PTBP3: variants seen among roughly 807,000 people sequenced by gnomAD.
PTBP3 encodes polypyrimidine tract binding protein 3.
A neutral mutation model predicts 58.7 loss-of-function variants in PTBP3; 20 were observed. The ratio of observed to expected loss-of-function variants is 0.34; its 90% CI spans 0.24 to 0.50. The LOEUF (loss-of-function observed/expected upper bound fraction) is 0.50, where lower values mean the gene tolerates loss of function less well. Ranked by LOEUF, PTBP3 falls within the 20% of genes least tolerant of loss-of-function variation. PTBP3 has a pLI of 0.98. For synonymous variants in PTBP3, 185 were observed against 219.8 expected, an observed-to-expected ratio of 0.84 and a Z score of 1.40; for missense variants, 509 against 637.2, an observed-to-expected ratio of 0.80 and a Z score of 2.17.
chr9:112,374,482 C>T, the PTBP3 span, among the ~76,000 whole-genome samples: 4 of 152,186 alleles, frequency 2.6e-5, no homozygotes, highest in South Asian at 8.3e-4. Flanking sequence ...ATATATTGAA[C>T]ACTGATTCAG....
chr9:112,297,360 AC>A (rs1828734898), intron 2 of PTBP3, among the ~76,000 whole-genome samples: 1 of 152,082 alleles, frequency 6.6e-6, no homozygotes, highest in African/African-American at 2.4e-5. Context: ...TCCCGCCATC[AC>A]ACCCAGCTAA....
chr9:112,273,056 A>T (rs1564423894), intron 3 of PTBP3, among the ~76,000 whole-genome samples: 1 of 152,240 alleles, frequency 6.6e-6, no homozygotes, highest in South Asian at 2.1e-4. Flanking sequence ...AACATGATGT[A>T]TAACTGTACC....
At chr9:112,236,863 T>C (rs1835458516) in intron 7 of PTBP3, among the ~76,000 whole-genome samples, 1 of 152,108 alleles carries the variant, frequency 6.6e-6, no homozygotes, top group Admixed American at 6.6e-5. Flanking sequence ...AGTGGATCTT[T>C]AGCGTGGGCC....
the PTBP3 span, among the ~76,000 whole-genome samples, chr9:112,374,100 C>T: frequency 0.01 from 1,597 of 152,264 alleles, 67 homozygotes; most frequent in East Asian, 0.082. Flanking sequence ...GGTATGGTAA[C>T]ACTGAGATGC....
At chr9:112,379,842 C>CAATG in the PTBP3 span, 1 of 510,486 alleles carries the variant, frequency 2.0e-6, no homozygotes, top group Non-Finnish European at 3.4e-6. Flanking sequence ...TGCCCAGACG[C>CAATG]TAGGCGCCGA....
At chr9:112,335,443 G>A (rs1184436515), upstream of PTBP3, among the ~76,000 whole-genome samples, 14 of 151,344 alleles carry the variant, frequency 9.3e-5, no homozygotes, top group African/African-American at 3.2e-4. Context: ...CCGCCACCAC[G>A]CCTGGCTAGT....
At chr9:112,298,038 C>A (rs1435013775) in intron 1 of PTBP3, 122 bp from the exon 2 acceptor site, 2 of 736,458 alleles carry the variant, frequency 2.7e-6, no homozygotes, top group African/African-American at 1.8e-5. Flanking sequence ...AAAGGGGGAA[C>A]TCCTCAAGAA....
chr9:112,321,510 C>G (rs1468278086), intron 1 of PTBP3, among the ~76,000 whole-genome samples: 1 of 134,928 alleles, frequency 7.4e-6, no homozygotes, highest in Non-Finnish European at 1.5e-5. Context: ...GCCTGGGCAA[C>G]AGAGTGAGAC....
the PTBP3 span, among the ~76,000 whole-genome samples, chr9:112,376,863 C>T: frequency 6.6e-6 from 1 of 152,152 alleles, no homozygotes; most frequent in Non-Finnish European, 1.5e-5. Flanking sequence ...CACAGATACA[C>T]CCAAGACCAA....
chr9:112,341,740 G>A, the PTBP3 span, among the ~76,000 whole-genome samples: 1 of 152,140 alleles, frequency 6.6e-6, no homozygotes, highest in Admixed American at 6.5e-5. Flanking sequence ...AAGTGACTGT[G>A]AAGTGACTCC....
chr9:112,270,225 A>C (rs1236924773), intron 3 of PTBP3, among the ~76,000 whole-genome samples: 3 of 152,220 alleles, frequency 2.0e-5, no homozygotes, highest in African/African-American at 7.2e-5. Context: ...TACAGGCGTC[A>C]CCAAATCCTT....
At chr9:112,267,986 A>C in intron 4 of PTBP3, 63 bp downstream of exon 4, 1 of 1,409,914 alleles carries the variant, frequency 7.1e-7, no homozygotes, top group Non-Finnish European at 9.5e-7. Context: ...TCATCTGTAA[A>C]GTATGTAAGT....
the PTBP3 span, among the ~76,000 whole-genome samples, chr9:112,348,425 T>C: frequency 3.3e-5 from 5 of 152,292 alleles, no homozygotes; most frequent in African/African-American, 1.2e-4. Flanking sequence ...GCTTAACTGG[T>C]ATATGATGAC....
rs531308826 is a variant in PTBP3, at chr9:112,292,704, A to G, written c.34+5128T>C. Reference sequence around the variant, plus strand: ...AGAAAAATGTTGCATGATTCCACTTATATGAGGTATCTAAAATAGCCAAAC... The same window carrying G: ...AGAAAAATGTTGCATGATTCCACTTGTATGAGGTATCTAAAATAGCCAAAC... On this transcript the variant is annotated intron_variant, in intron 2 of 13. Coordinates refer to ENST00000374257, the MANE Select transcript of PTBP3 (RefSeq NM_001163788.4). Among the ~76,000 whole-genome samples the G allele has an allele frequency of 1.4e-4, 22 of 152,326 alleles. No individual in the cohort carries two copies. The South Asian group carries it at 4.6e-3, about 32-fold the overall frequency.
Position 112,276,009 on chromosome 9 carries a change from A to G in PTBP3, c.39T>C (p.Asn13=). 1 of 1,611,068 alleles carries G rather than the reference A, an allele frequency of 6.2e-7. No individual in the cohort carries two copies. Among genetic ancestry groups the G allele is most frequent in the Non-Finnish European group, 8.5e-7 (1 of 1,177,790 alleles). Residue 13 remains asparagine, a synonymous_variant, in exon 3 of 14, where the codon AAT becomes AAC. Transcript: ENST00000374257. ...GTTTAAATTTCTTGCTGTCATTCCC[A>G]TTAGCTAAAAAACATAAGATTCTTT... ...SSTPSTGVYA[N]GNDSKKFKRD...
chr9:112,228,872 T>C (rs1835094672), intron 10 of PTBP3, among the ~76,000 whole-genome samples: 1 of 152,132 alleles, frequency 6.6e-6, no homozygotes, highest in Non-Finnish European at 1.5e-5. Context: ...ATGGTCTAAA[T>C]ATCTCTCATA....
intron 3 of PTBP3, among the ~76,000 whole-genome samples, chr9:112,273,156 G>GA (rs1827461524): frequency 6.6e-6 from 1 of 152,096 alleles, no homozygotes; most frequent in Admixed American, 6.6e-5. Context: ...GACAGTGGAT[G>GA]AAACATCACA....
rs928149995 is a variant in PTBP3, at chr9:112,322,122, G to A, written c.-52+11348C>T. Among the ~76,000 whole-genome samples the A allele has an allele frequency of 8.6e-5, 9 of 104,972 alleles. No individual in the cohort carries two copies. In the South Asian group the frequency reaches 2.1e-3, roughly 25 times the overall value. 68.9% of individuals were successfully genotyped at this position (104,972 alleles called of 152,430 possible). A position where few individuals can be genotyped will look rare whatever the true frequency, so the allele number is the denominator to read the frequency against. ...TGCACTCCAGCCTAGGAGACAGAGCGAGACTCCATCTCAAAAAAAAAAAAA... is the reference window on the plus strand; with the variant it reads ...TGCACTCCAGCCTAGGAGACAGAGCAAGACTCCATCTCAAAAAAAAAAAAA... On this transcript the variant is annotated intron_variant, in intron 1 of 13. Coordinates refer to ENST00000374257, the MANE Select transcript of PTBP3 (RefSeq NM_001163788.4).
At chr9:112,379,720 G>A in the PTBP3 span, among the ~76,000 whole-genome samples, 1 of 152,238 alleles carries the variant, frequency 6.6e-6, no homozygotes, top group African/African-American at 2.4e-5. Context: ...ACCTCTCGGA[G>A]GGCCCAAGCT....
Sources: allele counts gnomAD v4.1 joint callset (sites outside exome capture counted in the v4.1 genomes callset), GRCh38; gene constraint gnomAD v4.1.1; transcripts MANE v1.5; gene names NCBI Gene and HGNC (gene_info 2026-07-23, HGNC 2026-07-21).